GK: variants seen among roughly 807,000 people sequenced by gnomAD.
GK encodes the protein ATP:glycerol 3-phosphotransferase.
Under a neutral mutation model 56.4 loss-of-function variants are expected in GK, and 9 were observed. The ratio of observed to expected loss-of-function variants is 0.16; its 90% CI spans 0.10 to 0.28. The LOEUF (loss-of-function observed/expected upper bound fraction) is 0.28, where lower values mean the gene tolerates loss of function less well. Among genes scored for constraint, GK ranks in the 10% least tolerant of loss-of-function variants. The pLI is 1.00. For missense variants in GK, 161 were observed against 431.4 expected, an observed-to-expected ratio of 0.37 and a Z score of 5.55; for synonymous variants, 104 against 144.1, an observed-to-expected ratio of 0.72 and a Z score of 1.99.
At position 30,700,425 on chromosome X, in the gene GK, C is replaced by T; in HGVS notation, c.759C>T (p.Ala253=). The change falls in exon 10 of 21, where the codon GCC becomes GCT. Residue 253 remains alanine, a synonymous_variant. Transcript: ENST00000427190. ...TTAAATTTTATTAGAAAGCTGGGGCCTTGGAAGGTGTGCCAATATCTGGGG... is the reference window on the plus strand; with the variant it reads ...TTAAATTTTATTAGAAAGCTGGGGCTTTGGAAGGTGTGCCAATATCTGGGG... ...MKISHSVKAG[A]LEGVPISGCL... 8.3e-7 allele frequency: 1 copy of T among 1,203,109 alleles called. No homozygotes were observed. The highest frequency in any genetic ancestry group is 1.1e-6 in the Non-Finnish European group (1 of 888,155).
chrX:30,677,912 A>G, intron 4 of GK: 1 of 519,395 alleles, frequency 1.9e-6, no homozygotes, highest in South Asian at 2.5e-5. Context: ...CTGCTAAGAA[A>G]TTAACTGTTG....
At chrX:30,668,526 C>T (rs994884099) in intron 3 of GK, among the ~76,000 whole-genome samples, 3 of 111,082 alleles carry the variant, frequency 2.7e-5, no homozygotes, top group African/African-American at 6.6e-5. Flanking sequence ...GGATGCAGCA[C>T]GTACAAAGGC....
chrX:30,688,717 C>T (rs921252418), intron 4 of GK, among the ~76,000 whole-genome samples: 10 of 111,216 alleles, frequency 9.0e-5, no homozygotes, highest in African/African-American at 3.3e-4. Context: ...GAACCACTGC[C>T]GTGAAGTCTA....
chrX:30,696,875 T>C (rs1398425483), intron 8 of GK, 192 bp downstream of exon 8: 3 of 436,338 alleles, frequency 6.9e-6, no homozygotes, highest in Non-Finnish European at 1.2e-5. Context: ...TAAACTTTAA[T>C]TGGTTTTTCT....
chrX:30,718,491 G>A, intron 13 of GK, 47 bp from the exon 14 acceptor site: 7 of 845,906 alleles, frequency 8.3e-6, no homozygotes, highest in Non-Finnish European at 1.2e-5. Context: ...TAAAAACCTT[G>A]GATAGTGATA....
intron 6 of GK, among the ~76,000 whole-genome samples, chrX:30,695,598 C>T (rs1470468479): frequency 4.5e-5 from 5 of 112,168 alleles, no homozygotes; most frequent in African/African-American, 9.7e-5. Context: ...TAGCATAATG[C>T]GAATTGTTAT....
At chrX:30,696,447 C>A (rs1373080947) in intron 7 of GK, among the ~76,000 whole-genome samples, 170 bp from the exon 8 acceptor site, 2 of 112,097 alleles carry the variant, frequency 1.8e-5, no homozygotes, top group African/African-American at 6.5e-5. Context: ...TGTTAAATAT[C>A]TAAGAATACA....
intron 3 of GK, chrX:30,674,233 C>G (rs1301700750): frequency 3.1e-6 from 1 of 322,706 alleles, no homozygotes; most frequent in African/African-American, 2.6e-5. Flanking sequence ...GAATTTGAAT[C>G]CCAGCTATCT....
chrX:30,696,939 G>T, intron 8 of GK: 1 of 355,900 alleles, frequency 2.8e-6, no homozygotes, highest in Non-Finnish European at 4.9e-6. Context: ...TTAGATGTTG[G>T]CATGAGCCAA....
At chrX:30,689,657 C>T in intron 4 of GK, 1 of 309,581 alleles carries the variant, frequency 3.2e-6, no homozygotes. Context: ...CTCTTGCAGA[C>T]TGAGCACAAA....
rs188843855 is a variant in GK at position 30,659,042 on chromosome X, T to G, written c.78+5427T>G. On this transcript the variant is annotated intron_variant, in intron 1 of 20. Transcript: ENST00000427190. ...TCTTTCTTTCTTTCTTTCTTTTCCT[T>G]TTTGAGACAGAGTTTCACTCTTCTT... 2.7e-3 allele frequency among the ~76,000 whole-genome samples: 299 copies of G among 112,469 alleles called. 6 individuals are homozygous for G. The Admixed American group carries it at 0.027, about 10-fold the overall frequency.
At chrX:30,682,458 G>A (rs1340415901) in intron 4 of GK, among the ~76,000 whole-genome samples, 1 of 111,809 alleles carries the variant, frequency 8.9e-6, no homozygotes, top group East Asian at 2.8e-4. Flanking sequence ...AGGAGAAAGG[G>A]AAATAGGAAA....
At chrX:30,663,669 C>T (rs776260887) in intron 1 of GK, among the ~76,000 whole-genome samples, 3 of 109,928 alleles carry the variant, frequency 2.7e-5, no homozygotes, top group Non-Finnish European at 3.8e-5. Context: ...GGAAAGGGGG[C>T]GTGTGTGATA....
chrX:30,728,539 A>G (rs1185617613), intron 20 of GK, among the ~76,000 whole-genome samples, 193 bp from the exon 21 acceptor site: 1 of 112,021 alleles, frequency 8.9e-6, no homozygotes, highest in Non-Finnish European at 1.9e-5. Context: ...TTGCCTTGGT[A>G]AACGATTAGC....
At chrX:30,676,943 G>GCA (rs368680762) in intron 3 of GK, among the ~76,000 whole-genome samples, 1,838 of 108,532 alleles carry the variant, frequency 0.017, 19 homozygotes, top group African/African-American at 0.051. Context: ...ATGTACATGT[G>GCA]CACACACACA....
At chrX:30,699,201 T>C (rs866266275) in intron 9 of GK, among the ~76,000 whole-genome samples, 10 of 97,715 alleles carry the variant, frequency 1.0e-4, no homozygotes, top group African/African-American at 1.5e-4. Flanking sequence ...GTTTTATATA[T>C]ATGTTATATA....
intron 5 of GK, among the ~76,000 whole-genome samples, chrX:30,693,346 C>T (rs1365580108): frequency 9.0e-6 from 1 of 110,501 alleles, no homozygotes; most frequent in Non-Finnish European, 1.9e-5. Context: ...TTTAATCAGC[C>T]TTTATATACA....
At position 30,721,506 on chromosome X, in the gene GK, G is replaced by A. The variant is rs775645071; in HGVS notation, c.1501+511G>A. 3.2e-3 allele frequency: 360 copies of A among 113,496 alleles called. 1 individual carries two copies. Among genetic ancestry groups the A allele is most frequent in the African/African-American group, 0.012 (331 of 27,081 alleles). The allele number at this position is 113,496 out of a possible 1,213,427, so 9.4% of individuals were successfully genotyped here. A position where few individuals can be genotyped will look rare whatever the true frequency, so the allele number is the denominator to read the frequency against. On this transcript the variant is annotated intron_variant, in intron 18 of 20. Transcript: ENST00000427190. ...TTTTTAGTAGAGACAGCATTTCACC[G>A]CGTTAGCCAGGATGGTCTCGATCTC... is the stretch of plus-strand genomic sequence containing the variant.
At chrX:30,675,856 C>T (rs1933861371) in intron 3 of GK, among the ~76,000 whole-genome samples, 1 of 110,218 alleles carries the variant, frequency 9.1e-6, no homozygotes, top group Non-Finnish European at 1.9e-5. Context: ...ATGGCGCAAT[C>T]TCGGCTCACT....
Sources: gnomAD v4.1 joint callset for allele counts (sites outside exome capture counted in the v4.1 genomes callset) on GRCh38, gnomAD v4.1.1 for gene constraint, MANE v1.5 for transcripts, NCBI Gene and HGNC (gene_info 2026-07-23, HGNC 2026-07-21) for gene names.